PSPC1: variants seen among roughly 807,000 people sequenced by gnomAD.
PSPC1 encodes paraspeckle component 1.
In PSPC1, 14 loss-of-function variants were observed where a neutral mutation model predicts 51.6. That is an observed-to-expected ratio of 0.27 (90% CI 0.18 to 0.42). The LOEUF is 0.42. PSPC1 is among the 10% of genes least tolerant of loss of function. The pLI is 1.00. For missense variants in PSPC1, 406 were observed against 701.1 expected, an observed-to-expected ratio of 0.58 and a Z score of 4.75; for synonymous variants, 193 against 231.9, an observed-to-expected ratio of 0.83 and a Z score of 1.53.
chr13:19,736,094 A>C (rs1884751490), intron 5 of PSPC1, among the ~76,000 whole-genome samples: 1 of 151,974 alleles, frequency 6.6e-6, no homozygotes, highest in Non-Finnish European at 1.5e-5. Flanking sequence ...TGCTGGGATT[A>C]CAGGCATGAG....
intron 6 of PSPC1, among the ~76,000 whole-genome samples, chr13:19,693,153 A>T (rs928614543): frequency 5.9e-5 from 9 of 152,168 alleles, no homozygotes; most frequent in Admixed American, 4.6e-4. Flanking sequence ...CTGTGACCAC[A>T]TCATGTTGCC....
intron 6 of PSPC1, among the ~76,000 whole-genome samples, chr13:19,721,059 G>C (rs1882710420): frequency 6.6e-6 from 1 of 151,866 alleles, no homozygotes; most frequent in East Asian, 1.9e-4. Flanking sequence ...TTTAGTTTTA[G>C]TACAAAATTC....
intron 1 of PSPC1, among the ~76,000 whole-genome samples, chr13:19,775,563 T>C (rs901906685): frequency 6.6e-6 from 1 of 152,176 alleles, no homozygotes; most frequent in Non-Finnish European, 1.5e-5. Context: ...GAGGAGGTCC[T>C]AGAATCAATC....
At chr13:19,673,252 C>T (rs1876256646), downstream of PSPC1, 1 of 410,462 alleles carries the variant, frequency 2.4e-6, no homozygotes, top group Non-Finnish European at 4.7e-6. Flanking sequence ...AAGCATAAAT[C>T]AAGCTCAGTC....
chr13:19,775,920 G>A (rs539107734), intron 1 of PSPC1, among the ~76,000 whole-genome samples: 34 of 152,064 alleles, frequency 2.2e-4, no homozygotes, highest in African/African-American at 8.0e-4. Flanking sequence ...ACGTGGCAGT[G>A]TGCGCCTGTA....
intron 1 of PSPC1, among the ~76,000 whole-genome samples, chr13:19,774,604 G>C (rs1346564256): frequency 6.8e-6 from 1 of 147,410 alleles, no homozygotes; most frequent in African/African-American, 2.5e-5. Context: ...GTTCAAGACC[G>C]GCCTCCTGGC....
chr13:19,679,061 ATTT>A (rs1293484061), intron 6 of PSPC1: 1 of 152,216 alleles, frequency 6.6e-6, no homozygotes, highest in Non-Finnish European at 1.5e-5. Flanking sequence ...TCCTGTAAGT[ATTT>A]TTTAAAACAA....
intron 1 of PSPC1, among the ~76,000 whole-genome samples, chr13:19,781,130 A>C (rs866939816): frequency 6.8e-6 from 1 of 148,012 alleles, no homozygotes; most frequent in Non-Finnish European, 1.5e-5. Context: ...TGGGTGATAG[A>C]GCGAGACCCA....
intron 4 of PSPC1, among the ~76,000 whole-genome samples, chr13:19,742,378 C>T (rs1465461234): frequency 4.0e-5 from 6 of 151,844 alleles, no homozygotes; most frequent in African/African-American, 1.5e-4. Context: ...CCGAGGCAGG[C>T]GGATCACTTC....
At chr13:19,758,406 G>A (rs889228501) in intron 3 of PSPC1, among the ~76,000 whole-genome samples, 2 of 151,792 alleles carry the variant, frequency 1.3e-5, no homozygotes, top group African/African-American at 4.8e-5. Context: ...TTTTGAAAAT[G>A]AGCTATTTTT....
At chr13:19,721,567 T>C (rs556550612) in intron 6 of PSPC1, among the ~76,000 whole-genome samples, 189 of 152,336 alleles carry the variant, frequency 1.2e-3, no homozygotes, top group Middle Eastern at 3.4e-3. Flanking sequence ...GACTATTTAA[T>C]GACACTCTCA....
intron 4 of PSPC1, among the ~76,000 whole-genome samples, chr13:19,750,057 C>T (rs1199185057): frequency 6.6e-6 from 1 of 152,156 alleles, no homozygotes; most frequent in Non-Finnish European, 1.5e-5. Flanking sequence ...AAAAAACCTA[C>T]ACTTCATTCT....
chr13:19,701,145 A>T (rs1161458251), downstream of PSPC1, among the ~76,000 whole-genome samples: 1 of 151,902 alleles, frequency 6.6e-6, no homozygotes, highest in African/African-American at 2.4e-5. Flanking sequence ...GGAGATTAAG[A>T]CATCTTTTTG....
intron 6 of PSPC1, among the ~76,000 whole-genome samples, chr13:19,725,172 A>G (rs746114896): frequency 2.0e-5 from 3 of 152,090 alleles, no homozygotes; most frequent in African/African-American, 2.4e-5. Context: ...GCAAGACTCC[A>G]TCTCAAAAAC....
intron 5 of PSPC1, chr13:19,737,050 C>A (rs1433320090): frequency 1.3e-5 from 2 of 152,142 alleles, no homozygotes; most frequent in South Asian, 2.1e-4. Flanking sequence ...TACTAATCAG[C>A]ACGGGAGTTT....
intron 6 of PSPC1, among the ~76,000 whole-genome samples, chr13:19,691,715 T>C (rs1878573730): frequency 6.6e-6 from 1 of 152,008 alleles, no homozygotes; most frequent in Non-Finnish European, 1.5e-5. Flanking sequence ...GGTCAGGAGT[T>C]CAAGACCAGC....
chr13:19,772,430 G>A lies in PSPC1; in HGVS notation c.486C>T (p.Asn162=), dbSNP rs1393595349. Residue 162 remains asparagine, a synonymous_variant, in exon 2 of 9, where the codon AAC becomes AAT. Transcript: ENST00000338910. ...GCTCATTGGAAACAACTGGAGAAAG[G>A]TTCTTGACAGTCAAGGCTGCTCCAT... ...ATHGAALTVK[N]LSPVVSNELL... 3.1e-6 allele frequency: 5 copies of A among 1,614,082 alleles called. No individual in the cohort carries two copies. Among genetic ancestry groups the A allele is most frequent in the Non-Finnish European group, 3.4e-6 (4 of 1,180,054 alleles).
intron 8 of PSPC1, among the ~76,000 whole-genome samples, chr13:19,704,827 C>T (rs1366146389): frequency 7.2e-5 from 11 of 152,224 alleles, no homozygotes; most frequent in South Asian, 4.1e-4. Context: ...AAAAAACTGT[C>T]TACTTTAAAT....
downstream of PSPC1, among the ~76,000 whole-genome samples, chr13:19,701,072 G>T (rs1297171587): frequency 1.8e-4 from 28 of 152,296 alleles, no homozygotes; most frequent in African/African-American, 4.8e-4. Context: ...CTTGATGCTG[G>T]GAAAAAGTTG....
Sources: gnomAD v4.1 joint callset for allele counts (sites outside exome capture counted in the v4.1 genomes callset) on GRCh38, gnomAD v4.1.1 for gene constraint, MANE v1.5 for transcripts, NCBI Gene and HGNC (gene_info 2026-07-23, HGNC 2026-07-21) for gene names.